EIF4G3: variants seen among roughly 807,000 people sequenced by gnomAD.
The protein encoded by EIF4G3 is eukaryotic translation initiation factor 4 gamma 3.
Under a neutral mutation model 186.4 loss-of-function variants are expected in EIF4G3, and 34 were observed. That is an observed-to-expected ratio of 0.18 (90% confidence interval 0.14 to 0.24). The LOEUF (loss-of-function observed/expected upper bound fraction) is 0.24, where lower values mean the gene tolerates loss of function less well. EIF4G3 is among the 10% of genes least tolerant of loss of function. The pLI is 1.00. For synonymous variants in EIF4G3, 673 were observed against 679.5 expected (o/e 0.99, Z 0.15); for missense variants, 1,536 against 1,948.5 (o/e 0.79, Z 3.99).
chr1:21,010,733 T>C (rs1427914921), intron 4 of EIF4G3, among the ~76,000 whole-genome samples: 1 of 152,256 alleles, frequency 6.6e-6, no homozygotes, highest in Non-Finnish European at 1.5e-5. Context: ...ATGAGTTCTA[T>C]ATTTTATATC....
At chr1:21,003,376 T>C (rs1389612879) in intron 4 of EIF4G3, among the ~76,000 whole-genome samples, 1 of 151,844 alleles carries the variant, frequency 6.6e-6, no homozygotes, top group Non-Finnish European at 1.5e-5. Flanking sequence ...CTCATCCTCT[T>C]GAGTAGCTGG....
At chr1:21,168,821 ACC>A (rs1265873014) in intron 2 of EIF4G3, among the ~76,000 whole-genome samples, 3 of 152,092 alleles carry the variant, frequency 2.0e-5, no homozygotes, top group African/African-American at 7.2e-5. Context: ...AAAATGTATG[ACC>A]ACTAATATTA....
At chr1:21,138,907 CAA>C (rs1311897975) in intron 2 of EIF4G3, among the ~76,000 whole-genome samples, 1 of 152,108 alleles carries the variant, frequency 6.6e-6, no homozygotes, top group African/African-American at 2.4e-5. Context: ...TTTTTTCAGA[CAA>C]AGTCTCACCC....
At chr1:20,844,646 C>T (rs775744378) in intron 29 of EIF4G3, among the ~76,000 whole-genome samples, 8 of 152,182 alleles carry the variant, frequency 5.3e-5, no homozygotes, top group South Asian at 2.1e-4. Flanking sequence ...ACCTGGCCAA[C>T]GTGGCGAAAC....
At chr1:21,043,329 G>A (rs1282252885) in intron 4 of EIF4G3, among the ~76,000 whole-genome samples, 1 of 152,174 alleles carries the variant, frequency 6.6e-6, no homozygotes, top group Non-Finnish European at 1.5e-5. Context: ...TTAGCTTGCT[G>A]TAATAGTGCT....
chr1:21,070,225 A>G (rs2095402678), intron 3 of EIF4G3, among the ~76,000 whole-genome samples: 1 of 152,112 alleles, frequency 6.6e-6, no homozygotes, highest in Non-Finnish European at 1.5e-5. Context: ...AGTGGCAACT[A>G]AGACTGTGGA....
At chr1:21,052,650 G>T (rs1315631452) in intron 3 of EIF4G3, among the ~76,000 whole-genome samples, 2 of 151,814 alleles carry the variant, frequency 1.3e-5, no homozygotes, top group Non-Finnish European at 2.9e-5. Context: ...GGACTGTACT[G>T]CTGCCATCTC....
intron 12 of EIF4G3, among the ~76,000 whole-genome samples, chr1:20,957,075 T>C (rs1326197169): frequency 1.3e-5 from 2 of 152,082 alleles, no homozygotes; most frequent in African/African-American, 4.8e-5. Flanking sequence ...AACACTGACC[T>C]GACAAGACAA....
chr1:21,125,396 A>G (rs1006065138), intron 2 of EIF4G3, among the ~76,000 whole-genome samples: 3 of 152,230 alleles, frequency 2.0e-5, no homozygotes, highest in African/African-American at 7.2e-5. Context: ...CCAGGGTTAT[A>G]TATTCCATAC....
intron 3 of EIF4G3, chr1:21,073,651 CT>C: frequency 1.9e-6 from 1 of 520,444 alleles, no homozygotes; most frequent in Non-Finnish European, 3.8e-6. Context: ...GATTTCGGTG[CT>C]TTCCCAACCT....
chr1:21,093,862 C>A (rs571302057), intron 2 of EIF4G3, among the ~76,000 whole-genome samples: 2 of 152,022 alleles, frequency 1.3e-5, no homozygotes, highest in African/African-American at 4.8e-5. Context: ...GGACAAAAAA[C>A]CAAACACCAC....
At chr1:20,984,602 T>C (rs2079040790) in intron 7 of EIF4G3, among the ~76,000 whole-genome samples, 1 of 150,682 alleles carries the variant, frequency 6.6e-6, no homozygotes, top group South Asian at 2.1e-4. Context: ...ACTTTTTTTT[T>C]TTTTTGAGAC....
intron 2 of EIF4G3, among the ~76,000 whole-genome samples, chr1:21,101,144 A>G (rs1294738093): frequency 3.3e-5 from 5 of 152,214 alleles, no homozygotes. Flanking sequence ...AACGGTAAAA[A>G]TAACTTCACA....
Position 21,002,749 on chromosome 1 carries a change from A to C in EIF4G3, c.-7T>G. Reference sequence around the variant, plus strand: ...TTTGAGGTTGTGAATTCATTGTCTGAGGGGTTTGAGGGTATACCAGCGTGG... The same window carrying C: ...TTTGAGGTTGTGAATTCATTGTCTGCGGGGTTTGAGGGTATACCAGCGTGG... On this transcript the variant is annotated 5_prime_UTR_variant, in exon 5 of 37. Transcript: ENST00000602326. The C allele has an allele frequency of 6.2e-7, 1 of 1,613,716 alleles. No homozygotes were observed. The highest frequency in any genetic ancestry group is 8.5e-7 in the Non-Finnish European group (1 of 1,179,812).
At chr1:21,112,584 G>A (rs2096744423) in intron 2 of EIF4G3, among the ~76,000 whole-genome samples, 3 of 152,042 alleles carry the variant, frequency 2.0e-5, no homozygotes. Flanking sequence ...GGATACCCAT[G>A]TGAAGTCAAT....
At chr1:21,123,778 T>C (rs1028515051) in intron 2 of EIF4G3, among the ~76,000 whole-genome samples, 49 of 152,208 alleles carry the variant, frequency 3.2e-4, no homozygotes, top group Admixed American at 2.9e-3. Flanking sequence ...TTCTGCCACA[T>C]AGGTCCTATA....
chr1:21,095,519 C>A (rs1261881753), intron 2 of EIF4G3, among the ~76,000 whole-genome samples: 2 of 152,028 alleles, frequency 1.3e-5, no homozygotes, highest in Admixed American at 1.3e-4. Context: ...CCCTATATTG[C>A]CCAGGCTAGT....
intron 3 of EIF4G3, among the ~76,000 whole-genome samples, chr1:21,077,976 C>G (rs57544356): frequency 6.6e-6 from 1 of 151,216 alleles, no homozygotes; most frequent in Non-Finnish European, 1.5e-5. Flanking sequence ...AGTAAGGCCA[C>G]TAAGGAGAAC....
At chr1:21,135,373 C>T (rs899489075) in intron 2 of EIF4G3, among the ~76,000 whole-genome samples, 12 of 152,270 alleles carry the variant, frequency 7.9e-5, no homozygotes, top group Admixed American at 3.3e-4. Context: ...GTGGCGCATG[C>T]CTGTGATGCC....
Sources: gnomAD v4.1 joint callset for allele counts (sites outside exome capture counted in the v4.1 genomes callset) on GRCh38, gnomAD v4.1.1 for gene constraint, MANE v1.5 for transcripts, NCBI Gene and HGNC (gene_info 2026-07-23, HGNC 2026-07-21) for gene names.